BRINP3: variants seen among roughly 807,000 people sequenced by gnomAD.
BRINP3 encodes BMP/retinoic acid-inducible neural-specific protein 3.
Under a neutral mutation model 71.0 loss-of-function variants are expected in BRINP3, and 19 were observed. The observed-to-expected ratio is 0.27, with a 90% CI of 0.19 to 0.39. The LOEUF is 0.39. Ranked by LOEUF, BRINP3 falls within the 10% of genes least tolerant of loss-of-function variation. BRINP3 has a pLI of 1.00. For synonymous variants in BRINP3, 380 were observed against 337.7 expected (o/e 1.13, Z -1.37); for missense variants, 959 against 940.8 (o/e 1.02, Z -0.25).
chr1:190,157,067 A>G (rs76065064), intron 7 of BRINP3, among the ~76,000 whole-genome samples: 4,680 of 151,924 alleles, frequency 0.031, 221 homozygotes, highest in African/African-American at 0.1. Flanking sequence ...ACTTTCTGAT[A>G]ATACAGTCTT....
chr1:190,123,830 G>A (rs1418813), intron 7 of BRINP3, among the ~76,000 whole-genome samples: 66,527 of 151,832 alleles, frequency 0.44, 14,912 homozygotes, highest in Non-Finnish European at 0.47. Flanking sequence ...ATTGGTAAGC[G>A]CTCTCTTTTA....
At chr1:190,187,392 C>A (rs978459877) in intron 6 of BRINP3, among the ~76,000 whole-genome samples, 3 of 151,920 alleles carry the variant, frequency 2.0e-5, no homozygotes, top group African/African-American at 7.2e-5. Context: ...TTATGTAATC[C>A]TATTAGTATA....
chr1:190,117,010 T>C (rs1196049235), intron 7 of BRINP3, among the ~76,000 whole-genome samples: 1 of 152,092 alleles, frequency 6.6e-6, no homozygotes, highest in Admixed American at 6.5e-5. Context: ...TAATTGCTGC[T>C]ACTTTTGCTA....
chr1:190,246,693 A>G (rs1200219022), intron 4 of BRINP3, among the ~76,000 whole-genome samples: 4 of 152,082 alleles, frequency 2.6e-5, no homozygotes, highest in Admixed American at 2.6e-4. Context: ...TCTGCCATGA[A>G]CTAAATGAAA....
At chr1:190,412,394 AT>A (rs398103497) in intron 2 of BRINP3, among the ~76,000 whole-genome samples, 1 of 65,792 alleles carries the variant, frequency 1.5e-5, no homozygotes. Flanking sequence ...ATATATATAT[AT>A]TATATATATA....
At chr1:190,393,363 C>T (rs1263460273) in intron 2 of BRINP3, among the ~76,000 whole-genome samples, 2 of 151,398 alleles carry the variant, frequency 1.3e-5, no homozygotes, top group African/African-American at 2.4e-5. Context: ...CTTCTGCCTT[C>T]GGTGCAATTC....
Position 190,259,806 on chromosome 1 carries a change from A to G in BRINP3, c.618+5059T>C, listed in dbSNP as rs1039246911. On this transcript the variant is annotated intron_variant, in intron 4 of 7. Transcript: ENST00000367462. ...GCACTTTAGGAGGCTGAGGCGGGTG[A>G]AACACCTGAGGTCAGGAGTTCAAGA... Among the ~76,000 whole-genome samples, 5 of 151,876 alleles carry G rather than the reference A, an allele frequency of 3.3e-5. No individual in the cohort carries two copies. In the East Asian group the frequency reaches 9.7e-4, roughly 29 times the overall value.
chr1:190,428,789 A>C (rs1349606226), intron 2 of BRINP3, among the ~76,000 whole-genome samples: 1 of 152,092 alleles, frequency 6.6e-6, no homozygotes, highest in Non-Finnish European at 1.5e-5. Context: ...AATATGTACA[A>C]TGATTATGGG....
chr1:190,235,447 A>G (rs1831784), intron 4 of BRINP3, among the ~76,000 whole-genome samples: 21,593 of 152,062 alleles, frequency 0.14, 2,037 homozygotes, highest in South Asian at 0.27. Context: ...TGGTCTTTGC[A>G]AAACACAATT....
At chr1:190,121,852 A>T (rs1352118292) in intron 7 of BRINP3, among the ~76,000 whole-genome samples, 1 of 152,178 alleles carries the variant, frequency 6.6e-6, no homozygotes, top group Non-Finnish European at 1.5e-5. Flanking sequence ...AAAAAAGCAA[A>T]TTAGGAGTAT....
At chr1:190,223,493 G>T (rs1044233014) in intron 6 of BRINP3, among the ~76,000 whole-genome samples, 1 of 151,832 alleles carries the variant, frequency 6.6e-6, no homozygotes, top group African/African-American at 2.4e-5. Context: ...ATCAAAATGG[G>T]TATAGAGAGA....
At chr1:190,408,516 G>A (rs1268386034) in intron 2 of BRINP3, among the ~76,000 whole-genome samples, 1 of 151,948 alleles carries the variant, frequency 6.6e-6, no homozygotes, top group African/African-American at 2.4e-5. Flanking sequence ...CTCTTTGTAA[G>A]GTCCCTTTCA....
At chr1:190,131,485 C>T (rs1403562348) in intron 7 of BRINP3, among the ~76,000 whole-genome samples, 2 of 151,994 alleles carry the variant, frequency 1.3e-5, no homozygotes, top group Non-Finnish European at 2.9e-5. Flanking sequence ...AGGCTTCTGA[C>T]TCCCACATTC....
intron 2 of BRINP3, among the ~76,000 whole-genome samples, chr1:190,366,694 T>C (rs796368140): frequency 9.9e-5 from 15 of 152,258 alleles, no homozygotes; most frequent in African/African-American, 2.9e-4. Context: ...ACTTCCTAGA[T>C]ACAATGGGGG....
chr1:190,277,112 TA>T (rs1365607696), intron 3 of BRINP3, among the ~76,000 whole-genome samples: 8 of 125,640 alleles, frequency 6.4e-5, no homozygotes, highest in East Asian at 2.4e-4. Context: ...TATATATATA[TA>T]TATATTTATA....
intron 1 of BRINP3, among the ~76,000 whole-genome samples, chr1:190,457,655 G>A (rs2102643586): frequency 6.6e-6 from 1 of 152,184 alleles, no homozygotes; most frequent in Non-Finnish European, 1.5e-5. Context: ...AGGACATGTG[G>A]TAAAGTTTTA....
At chr1:190,159,567 G>T (rs1177243313) in intron 7 of BRINP3, among the ~76,000 whole-genome samples, 1 of 152,014 alleles carries the variant, frequency 6.6e-6, no homozygotes, top group African/African-American at 2.4e-5. Flanking sequence ...AGTGAAAGAA[G>T]CTAGTCACAA....
intron 2 of BRINP3, among the ~76,000 whole-genome samples, chr1:190,311,969 T>C (rs1316868153): frequency 7.2e-6 from 1 of 139,092 alleles, no homozygotes; most frequent in Non-Finnish European, 1.5e-5. Flanking sequence ...GTTATCTTAA[T>C]TAGACAAAAT....
intron 2 of BRINP3, among the ~76,000 whole-genome samples, chr1:190,287,449 T>C (rs1663521496): frequency 6.6e-6 from 1 of 152,104 alleles, no homozygotes; most frequent in Non-Finnish European, 1.5e-5. Context: ...ATAAATTTAA[T>C]AGTAGTAGAG....
Sources: allele counts gnomAD v4.1 joint callset (sites outside exome capture counted in the v4.1 genomes callset), GRCh38; gene constraint gnomAD v4.1.1; transcripts MANE v1.5; gene names NCBI Gene and HGNC (gene_info 2026-07-23, HGNC 2026-07-21).